Variants in MYOCD observed in about 807,000 individuals in gnomAD.
MYOCD encodes the protein myocardin.
Under a neutral mutation model 96.1 loss-of-function variants are expected in MYOCD, and 32 were observed. The ratio of observed to expected loss-of-function variants is 0.33; its 90% confidence interval spans 0.25 to 0.45. The LOEUF is 0.45. Among genes scored for constraint, MYOCD ranks in the 20% least tolerant of loss-of-function variants. The probability of loss-of-function intolerance (pLI) is 1.00; values close to 1 mark genes in which losing one functional copy is unlikely to be tolerated. For missense variants in MYOCD, 1,133 were observed against 1,200.6 expected, an observed-to-expected ratio of 0.94 and a Z score of 0.83; for synonymous variants, 469 against 469.0, an observed-to-expected ratio of 1.00 and a Z score of 0.00.
chr17:12,693,556 GCC>G (rs2030573140), intron 1 of MYOCD, among the ~76,000 whole-genome samples: 1 of 151,530 alleles, frequency 6.6e-6, no homozygotes, highest in Non-Finnish European at 1.5e-5. Context: ...GTGGCAGTGA[GCC>G]AAGATTGTGC....
chr17:12,727,125 C>A (rs1465886627), intron 5 of MYOCD, among the ~76,000 whole-genome samples: 1 of 152,086 alleles, frequency 6.6e-6, no homozygotes, highest in Non-Finnish European at 1.5e-5. Context: ...TAAAATGAGG[C>A]TCCCACGCAG....
chr17:12,737,444 C>T (rs936640229), intron 6 of MYOCD, among the ~76,000 whole-genome samples: 1 of 152,076 alleles, frequency 6.6e-6, no homozygotes, highest in Admixed American at 6.5e-5. Flanking sequence ...TCTGTGAGGC[C>T]GAGCAACTGG....
intron 1 of MYOCD, among the ~76,000 whole-genome samples, chr17:12,680,886 G>A (rs1435302354): frequency 6.6e-6 from 1 of 152,088 alleles, no homozygotes; most frequent in Non-Finnish European, 1.5e-5. Flanking sequence ...CTGACTTGGA[G>A]AGGGTTTTGA....
chr17:12,687,652 G>A (rs191741079), intron 1 of MYOCD, among the ~76,000 whole-genome samples: 4 of 151,982 alleles, frequency 2.6e-5, no homozygotes, highest in East Asian at 1.9e-4. Context: ...ATTTATGTTC[G>A]AAAAAATTAT....
intron 9 of MYOCD, among the ~76,000 whole-genome samples, chr17:12,750,579 C>T (rs548845824): frequency 6.6e-6 from 1 of 152,076 alleles, no homozygotes; most frequent in Admixed American, 6.6e-5. Flanking sequence ...ATCCCAGCTA[C>T]TCGGGAGGCT....
At chr17:12,678,179 C>T (rs765013923) in intron 1 of MYOCD, among the ~76,000 whole-genome samples, 1 of 152,014 alleles carries the variant, frequency 6.6e-6, no homozygotes, top group Non-Finnish European at 1.5e-5. Flanking sequence ...GTGTGAGCCA[C>T]CGCGCCCAGC....
rs1031362562 is a variant in MYOCD at position 12,758,318 on chromosome 17, G to A, written c.2331+105G>A. ...CAGTTTGTAAATTCTGATATTGAGT[G>A]TGTCATGTGCCATACCACCAAAATA... On this transcript the variant is annotated intron_variant, in intron 12 of 13. Coordinates refer to ENST00000425538, the MANE Select transcript of MYOCD (RefSeq NM_001146312.3). 10 of 1,538,790 alleles carry A rather than the reference G, an allele frequency of 6.5e-6. No individual in the cohort carries two copies. In the African/African-American group the frequency reaches 1.2e-4, roughly 19 times the overall value.
intron 2 of MYOCD, among the ~76,000 whole-genome samples, chr17:12,706,936 T>A (rs2031309800): frequency 6.6e-6 from 1 of 152,194 alleles, no homozygotes; most frequent in Non-Finnish European, 1.5e-5. Context: ...AATCACACAC[T>A]ATGATGAAGG....
chr17:12,728,519 G>T (rs1394048266), intron 5 of MYOCD, among the ~76,000 whole-genome samples: 1 of 152,012 alleles, frequency 6.6e-6, no homozygotes, highest in Admixed American at 6.6e-5. Context: ...CGCTCTTGTT[G>T]CCCAGGCTGG....
rs2033309911 is a variant in MYOCD, at chr17:12,765,333, G to A, written c.*1689G>A. 6.7e-6 allele frequency: 1 copy of A among 149,652 alleles called. No individual in the cohort carries two copies. The allele number at this position is 149,652 out of a possible 1,614,324, so 9.3% of individuals were successfully genotyped here. On this transcript the variant is annotated 3_prime_UTR_variant, in exon 14 of 14. Coordinates refer to ENST00000425538, the MANE Select transcript of MYOCD (RefSeq NM_001146312.3). ...CTTTTGTAAAAAAAAAAAAAAAGTT[G>A]TTCACTGTGCACTTATAGAAAAAAT...
intron 9 of MYOCD, among the ~76,000 whole-genome samples, chr17:12,749,585 C>T (rs555016627): frequency 2.4e-4 from 35 of 144,690 alleles, no homozygotes; most frequent in Non-Finnish European, 3.0e-4. Flanking sequence ...TATACAAAAC[C>T]TATATATATG....
chr17:12,692,831 A>G (rs1233195645), intron 1 of MYOCD, among the ~76,000 whole-genome samples: 1 of 152,112 alleles, frequency 6.6e-6, no homozygotes, highest in Non-Finnish European at 1.5e-5. Flanking sequence ...AATTTCCAAG[A>G]GCCCTGGCCC....
chr17:12,722,479 C>T (rs965695730), intron 4 of MYOCD, among the ~76,000 whole-genome samples: 19 of 152,312 alleles, frequency 1.2e-4, no homozygotes, highest in Non-Finnish European at 2.5e-4. Context: ...ACATTTACTG[C>T]AGGCCTAGCC....
chr17:12,729,130 G>A (rs990875298), intron 5 of MYOCD, among the ~76,000 whole-genome samples: 3 of 152,140 alleles, frequency 2.0e-5, no homozygotes, highest in Non-Finnish European at 2.9e-5. Flanking sequence ...GTTTGCTTTG[G>A]CATAAAAAAG....
At chr17:12,757,997 C>A in intron 11 of MYOCD, 88 bp from the exon 12 acceptor site, 1 of 1,090,220 alleles carries the variant, frequency 9.2e-7, no homozygotes, top group Non-Finnish European at 1.4e-6. Flanking sequence ...TCAATTTTTC[C>A]AAAATTTAGC....
chr17:12,699,317 G>T (rs888414444), intron 1 of MYOCD, among the ~76,000 whole-genome samples: 1 of 151,788 alleles, frequency 6.6e-6, no homozygotes, highest in Non-Finnish European at 1.5e-5. Flanking sequence ...TAGAGATGGG[G>T]TTTCACCATT....
intron 1 of MYOCD, among the ~76,000 whole-genome samples, chr17:12,697,944 C>A (rs954091353): frequency 7.9e-5 from 12 of 152,056 alleles, no homozygotes; most frequent in Non-Finnish European, 1.2e-4. Flanking sequence ...TAGAGCCTAG[C>A]CTCAAACCAT....
At position 12,719,174 on chromosome 17, in the gene MYOCD, CAAAAAAA is replaced by C. The variant is rs71144920; in HGVS notation, c.253+1777_253+1783del. Among the ~76,000 whole-genome samples, 295 of 49,126 alleles carry C rather than the reference CAAAAAAA, an allele frequency of 6.0e-3. 1 individual carries two copies. Among genetic ancestry groups the C allele is most frequent in the African/African-American group, 0.033 (269 of 8,256 alleles). The allele number at this position is 49,126 out of a possible 152,430, so 32.2% of individuals were successfully genotyped here. On this transcript the variant is annotated intron_variant, in intron 4 of 13. Coordinates refer to ENST00000425538, the MANE Select transcript of MYOCD (RefSeq NM_001146312.3). ...GGGGCCACAGAGGGAGACTCTGTCTCAAAAAAAAAAAAAAAAAAAAAAAAAAAAAAGA... is the reference window on the plus strand; with the variant it reads ...GGGGCCACAGAGGGAGACTCTGTCTCAAAAAAAAAAAAAAAAAAAAAAAGA...
In MYOCD at chr17:12,759,533, T is replaced by C. The variant is rs371401915; in HGVS notation, c.2332-1117T>C. Among the ~76,000 whole-genome samples the C allele has an allele frequency of 7.5e-4, 114 of 152,342 alleles. 4 individuals carry two copies. The South Asian group carries it at 0.013, about 17-fold the overall frequency. On this transcript the variant is annotated intron_variant, in intron 12 of 13. Coordinates refer to ENST00000425538, the MANE Select transcript of MYOCD (RefSeq NM_001146312.3). ...ATTGATTACCGATACCTATGTTTAT[T>C]GAGTCTGGGCTCTCAGAGGAGTGAG...
Sources: allele counts gnomAD v4.1 joint callset (sites outside exome capture counted in the v4.1 genomes callset), GRCh38; gene constraint gnomAD v4.1.1; transcripts MANE v1.5; gene names NCBI Gene and HGNC (gene_info 2026-07-23, HGNC 2026-07-21).